ACE: variants seen among roughly 807,000 people sequenced by gnomAD.
The protein encoded by ACE is angiotensin-converting enzyme.
Under a neutral mutation model 162.3 loss-of-function variants are expected in ACE, and 122 were observed. The ratio of observed to expected loss-of-function variants is 0.75; its 90% confidence interval spans 0.65 to 0.87. The LOEUF (loss-of-function observed/expected upper bound fraction) is 0.87. Ranked by LOEUF, ACE falls within the 40% of genes least tolerant of loss-of-function variation. The pLI is 0.00. For missense variants in ACE, 1,799 were observed against 1,735.1 expected (o/e 1.04, Z -0.65); for synonymous variants, 796 against 720.6 (o/e 1.10, Z -1.68).
In ACE at chr17:63,484,967, C is replaced by G. The variant is rs1239390292; in HGVS notation, c.1922-269C>G. 1.0e-5 allele frequency: 16 copies of G among 1,606,656 alleles called. No homozygotes were observed. The Middle Eastern group carries it at 6.6e-4, about 66-fold the overall frequency. On this transcript the variant is annotated intron_variant, in intron 12 of 24. Coordinates refer to ENST00000290866, the MANE Select transcript of ACE (RefSeq NM_000789.4). This position sits in a 1 kb window ranked among gnomAD's most constrained non-coding sequence, Gnocchi z 4.0. ...GGTCCCCAGCCAGGAGGCATCCCAA[C>G]AGGTGACAGTCACCCATGGGACAAG... is the stretch of plus-strand genomic sequence containing the variant.
chr17:63,496,866 A>C lies in ACE; in HGVS notation c.3572A>C (p.Asn1191Thr). 6.2e-7 allele frequency: 1 copy of C among 1,613,666 alleles called. No homozygotes were observed. ...ATGCAGCTGATCACGGGCCAGCCCA[A>C]CATGAGCGCCTCGGCCATGTTGAGC... ...EAMQLITGQP[N>T]MSASAMLSYF... The change falls in exon 24 of 25, where the codon AAC becomes ACC. Residue 1191 changes from asparagine (N) to threonine (T), a missense_variant. Transcript: ENST00000290866.
chr17:63,483,533 G>C lies in ACE; in HGVS notation c.1561G>C (p.Val521Leu). 1 of 1,614,128 alleles carries C rather than the reference G, an allele frequency of 6.2e-7. No individual in the cohort carries two copies. Among genetic ancestry groups the C allele is most frequent in the Non-Finnish European group, 8.5e-7 (1 of 1,180,018 alleles). Reference sequence around the variant, plus strand: ...CTTTGATGCTGGAGCTAAGTTTCATGTTCCAAATGTGACACCATACATCAG... The same window carrying C: ...CTTTGATGCTGGAGCTAAGTTTCATCTTCCAAATGTGACACCATACATCAG... ...THFDAGAKFH[V>L]PNVTPYIRYF... The change falls in exon 10 of 25, where the codon GTT becomes CTT. Residue 521 changes from valine (V) to leucine (L), a missense_variant. Physicochemically the swap from Val to Leu is conservative, Grantham distance 32. Coordinates refer to ENST00000290866, the MANE Select transcript of ACE (RefSeq NM_000789.4).
chr17:63,491,271 G>A lies in ACE; in HGVS notation c.2802G>A (p.Leu934=), dbSNP rs1214262041. The change falls in exon 19 of 25, where the codon CTG becomes CTA. Residue 934 remains leucine (L), a synonymous_variant. Transcript: ENST00000290866. The surrounding 1 kb of genome is among the most constrained non-coding windows in gnomAD (Gnocchi z 4.4). ...ATTTCTTCACCTCCCTGGGGCTGCT[G>A]CCCGTGCCTCCTGAGTTCTGGAACA... ...ADDFFTSLGL[L]PVPPEFWNKS... 2 of 1,614,144 alleles carry A rather than the reference G, an allele frequency of 1.2e-6. No homozygotes were observed. The highest frequency in any genetic ancestry group is 2.2e-5 in the South Asian group (2 of 91,084).
chr17:63,494,277 G>T, intron 21 of ACE, 95 bp from the exon 22 acceptor site: 6 of 1,324,058 alleles, frequency 4.5e-6, no homozygotes, highest in Non-Finnish European at 6.4e-6. Context: ...GCCCAGTATA[G>T]CCCCAAGTGC....
At chr17:63,494,734 G>C (rs375999852) in intron 22 of ACE, among the ~76,000 whole-genome samples, 3 of 152,216 alleles carry the variant, frequency 2.0e-5, no homozygotes, top group South Asian at 4.1e-4. Context: ...ACCAGACCTT[G>C]GTTAAGTAGT....
chr17:63,494,549 C>T, intron 22 of ACE, 79 bp downstream of exon 22: 1 of 1,313,292 alleles, frequency 7.6e-7, no homozygotes, highest in East Asian at 2.4e-5. Context: ...ACTGCCCGGT[C>T]CACAAGCTCT....
rs747313119 is a variant in ACE, at chr17:63,483,949, A to C, written c.1687A>C (p.Thr563Pro). ...PLHQCDIYRS[T>P]KAGAKLRKVL... ...GCACCAGTGTGACATCTACCGGTCC[A>C]CCAAGGCAGGGGCCAAGCTCCGGTG... The change falls in exon 11 of 25, where the codon ACC becomes CCC. Residue 563 changes from threonine (T) to proline (P), a missense_variant. Physicochemically the swap from Thr to Pro is conservative, Grantham distance 38 (BLOSUM62 -1). Transcript: ENST00000290866. The C allele has an allele frequency of 6.2e-7, 1 of 1,613,984 alleles. No homozygotes were observed. Among genetic ancestry groups the C allele is most frequent in the East Asian group, 2.2e-5 (1 of 44,868 alleles).
rs770289028 is a variant in ACE at position 63,484,329 on chromosome 17, G to A, written c.1710-1G>A. 1 of 1,609,872 alleles carries A rather than the reference G, an allele frequency of 6.2e-7. No individual in the cohort carries two copies. Among genetic ancestry groups the A allele is most frequent in the Non-Finnish European group, 8.5e-7 (1 of 1,179,594 alleles). On this transcript the variant is annotated splice_acceptor_variant, in intron 11 of 24. Transcript: ENST00000290866. LOFTEE classifies it high-confidence loss of function. The surrounding 1 kb of genome is among the most constrained non-coding windows in gnomAD (Gnocchi z 4.0). The stretch of plus-strand genomic sequence containing the variant: ...CCCATGGTACCCACTCTGCCCACCA[G>A]GAAGGTGCTGCAGGCTGGCTCCTCC...
chr17:63,493,131 C>G (rs1359938204), intron 19 of ACE, among the ~76,000 whole-genome samples: 1 of 152,206 alleles, frequency 6.6e-6, no homozygotes, highest in African/African-American at 2.4e-5. Flanking sequence ...ACACAATGTC[C>G]CAGTGCCTCT....
chr17:63,487,004 G>A lies in ACE; in HGVS notation c.2236G>A (p.Asp746Asn). ...CCTGCAGTACAACAAGATCCTGTTG[G>A]ATATGGAAACCACCTACAGCGTGGC... ...ELEEYNKILLDMETTYSVATV... is the reference protein window; with the variant it reads ...ELEEYNKILLNMETTYSVATV... The change falls in exon 15 of 25, where the codon GAT becomes AAT. Residue 746 changes from aspartate to asparagine, a missense_variant. Transcript: ENST00000290866. 1 of 1,613,894 alleles carries A rather than the reference G, an allele frequency of 6.2e-7. No homozygotes were observed. Among genetic ancestry groups the A allele is most frequent in the Non-Finnish European group, 8.5e-7 (1 of 1,179,984 alleles).
Position 63,498,065 on chromosome 17 carries a change from C to G in ACE, c.*699C>G, listed in dbSNP as rs2147583761. 6.2e-6 allele frequency: 1 copy of G among 160,002 alleles called. No individual in the cohort carries two copies. The highest frequency in any genetic ancestry group is 1.9e-4 in the East Asian group (1 of 5,210). 9.9% of individuals were successfully genotyped at this position (160,002 alleles called of 1,614,324 possible). A position where few individuals can be genotyped will look rare whatever the true frequency, so the allele number is the denominator to read the frequency against. On this transcript the variant is annotated 3_prime_UTR_variant, in exon 25 of 25. Coordinates refer to ENST00000290866, the MANE Select transcript of ACE (RefSeq NM_000789.4). The stretch of plus-strand genomic sequence containing the variant: ...GGGCACACACCAGCCTAGTGCTTAC[C>G]TTGGCTCCTGCCTGTACCAGCTCCA...
At chr17:63,480,701 G>T (rs1187664725) in intron 5 of ACE, among the ~76,000 whole-genome samples, 173 bp downstream of exon 5, 1 of 152,238 alleles carries the variant, frequency 6.6e-6, no homozygotes, top group African/African-American at 2.4e-5. Context: ...CCACTTTACA[G>T]GTGGGGACCC....
At chr17:63,485,697 C>T in intron 13 of ACE, 1 of 368,206 alleles carries the variant, frequency 2.7e-6, no homozygotes, top group Non-Finnish European at 5.3e-6. Flanking sequence ...ATGGCATGAA[C>T]CCGGGAGGCA....
chr17:63,493,390 T>C (rs1364048617), intron 19 of ACE, 46 bp from the exon 20 acceptor site: 1 of 1,586,884 alleles, frequency 6.3e-7, no homozygotes, highest in South Asian at 1.1e-5. Flanking sequence ...CCAGGGCTTC[T>C]CACTGTCCTC....
chr17:63,493,892 G>T (rs368615454), intron 20 of ACE, 30 bp from the exon 21 acceptor site: 2 of 1,614,154 alleles, frequency 1.2e-6, no homozygotes, highest in South Asian at 1.1e-5. Context: ...AGGACCCTGG[G>T]TCTGACAGCT....
intron 7 of ACE, 30 bp downstream of exon 7, chr17:63,481,768 G>T (rs199787525): frequency 6.2e-6 from 10 of 1,613,636 alleles, no homozygotes; most frequent in Non-Finnish European, 1.7e-6. Flanking sequence ...ACGTTCTGGG[G>T]TTCCCCGGTT....
chr17:63,485,062 C>T (rs764476839), intron 12 of ACE, 174 bp from the exon 13 acceptor site: 2 of 1,607,802 alleles, frequency 1.2e-6, no homozygotes, highest in East Asian at 4.5e-5. Context: ...CAGCCCAGAG[C>T]CCAAGTGGGA....
intron 2 of ACE, chr17:63,478,662 C>CA (rs1208241283): frequency 1.0e-4 from 40 of 386,022 alleles, no homozygotes; most frequent in East Asian, 1.9e-4. Flanking sequence ...GACCTCCCCC[C>CA]AAAAAAAAGA....
rs900084108 is a variant in ACE, at chr17:63,477,126, GGCTGCT to G, written c.38_43del (p.Leu13_Leu14del). The G allele has an allele frequency of 1.1e-5, 15 of 1,402,196 alleles. No homozygotes were observed. Among genetic ancestry groups the G allele is most frequent in the Middle Eastern group, 2.6e-4 (1 of 3,890 alleles). 86.9% of individuals were successfully genotyped at this position (1,402,196 alleles called of 1,614,324 possible). ...GCCGCCTCGGGCCGCCGGGGGCCGG[GGCTGCT>G]GCTGCCGCTGCCGCTGCTGTTGCTG... On this transcript the variant is annotated inframe_deletion, in exon 1 of 25. Coordinates refer to ENST00000290866, the MANE Select transcript of ACE (RefSeq NM_000789.4).
Sources: gnomAD v4.1 joint callset for allele counts (sites outside exome capture counted in the v4.1 genomes callset) on GRCh38, gnomAD v4.1.1 for gene constraint, Gnocchi (gnomAD v3.1) non-coding constraint, MANE v1.5 for transcripts, NCBI Gene and HGNC (gene_info 2026-07-23, HGNC 2026-07-21) for gene names.